Variants in CAMTA1 observed in about 807,000 individuals in gnomAD.
CAMTA1 encodes the protein calmodulin-binding transcription activator 1.
A neutral mutation model predicts 170.9 loss-of-function variants in CAMTA1; 27 were observed. The ratio of observed to expected loss-of-function variants is 0.16; its 90% CI spans 0.12 to 0.22. The LOEUF (loss-of-function observed/expected upper bound fraction) is 0.22. Among genes scored for constraint, CAMTA1 ranks in the 10% least tolerant of loss-of-function variants. The pLI is 1.00. For synonymous variants in CAMTA1, 833 were observed against 891.5 expected, an observed-to-expected ratio of 0.93 and a Z score of 1.17; for missense variants, 1,619 against 2,217.2, an observed-to-expected ratio of 0.73 and a Z score of 5.42.
chr1:7,066,514 G>C (rs189055673), intron 3 of CAMTA1, among the ~76,000 whole-genome samples: 95 of 152,292 alleles, frequency 6.2e-4, no homozygotes, highest in Non-Finnish European at 1.2e-3. Flanking sequence ...TTACATTTTC[G>C]ACACAGAGCA....
intron 5 of CAMTA1, among the ~76,000 whole-genome samples, chr1:7,330,436 C>T (rs2149738476): frequency 6.6e-6 from 1 of 152,268 alleles, no homozygotes; most frequent in East Asian, 1.9e-4. Context: ...GCATCCTCCT[C>T]CTTGGCTGGG....
chr1:6,986,777 C>T (rs889715981), intron 3 of CAMTA1, among the ~76,000 whole-genome samples: 8 of 152,018 alleles, frequency 5.3e-5, no homozygotes, highest in South Asian at 2.1e-4. Context: ...GTGCTGTGGA[C>T]GTGAGTTAAT....
At chr1:7,209,401 T>C (rs1005060409) in intron 4 of CAMTA1, among the ~76,000 whole-genome samples, 2 of 152,232 alleles carry the variant, frequency 1.3e-5, no homozygotes, top group Non-Finnish European at 2.9e-5. Context: ...ACTGTTGATC[T>C]ATTAACACTT....
chr1:7,151,181 C>T (rs529196981), intron 4 of CAMTA1, among the ~76,000 whole-genome samples: 6 of 152,364 alleles, frequency 3.9e-5, no homozygotes, highest in East Asian at 1.9e-4. Context: ...CCTTGGCCAG[C>T]GCTGGCGTTC....
intron 5 of CAMTA1, among the ~76,000 whole-genome samples, chr1:7,393,111 G>C (rs750109899): frequency 1.7e-4 from 25 of 149,892 alleles, no homozygotes; most frequent in Non-Finnish European, 2.7e-4. Flanking sequence ...TAGTATTGTT[G>C]TTTTTAAAGC....
At chr1:6,808,619 T>G (rs1437912234) in intron 1 of CAMTA1, among the ~76,000 whole-genome samples, 2 of 152,218 alleles carry the variant, frequency 1.3e-5, no homozygotes, top group Admixed American at 6.5e-5. Flanking sequence ...TCATGGCACA[T>G]TTTAGTTTGC....
chr1:7,652,281 T>C (rs2095853113), intron 7 of CAMTA1, among the ~76,000 whole-genome samples: 1 of 152,152 alleles, frequency 6.6e-6, no homozygotes, highest in African/African-American at 2.4e-5. Flanking sequence ...ATGTCCTCCT[T>C]GCAGCAGCCT....
At chr1:7,702,514 C>A (rs1263116845) in intron 11 of CAMTA1, among the ~76,000 whole-genome samples, 1 of 152,140 alleles carries the variant, frequency 6.6e-6, no homozygotes, top group Non-Finnish European at 1.5e-5. Context: ...CAGCCTCCAC[C>A]CCTGCTGGTC....
At chr1:7,390,419 C>T (rs845226) in intron 5 of CAMTA1, among the ~76,000 whole-genome samples, 94,166 of 152,060 alleles carry the variant, frequency 0.62, 30,762 homozygotes, top group Middle Eastern at 0.73. Flanking sequence ...GATGCCATTA[C>T]TTGTCTGACA....
intron 5 of CAMTA1, among the ~76,000 whole-genome samples, chr1:7,379,238 G>A (rs1247369616): frequency 6.6e-6 from 1 of 152,126 alleles, no homozygotes; most frequent in Non-Finnish European, 1.5e-5. Flanking sequence ...TTATACCCTA[G>A]AGCACATGTG....
At chr1:7,599,117 T>C (rs2095422014) in intron 6 of CAMTA1, among the ~76,000 whole-genome samples, 1 of 152,240 alleles carries the variant, frequency 6.6e-6, no homozygotes, top group Admixed American at 6.5e-5. Context: ...AATTTTTGTG[T>C]AAGGTGTAAG....
At chr1:7,026,741 G>A (rs1702078024) in intron 3 of CAMTA1, among the ~76,000 whole-genome samples, 1 of 145,894 alleles carries the variant, frequency 6.9e-6, no homozygotes, top group East Asian at 2.1e-4. Flanking sequence ...AGCGATTCTT[G>A]TGCCTCAGCC....
chr1:7,610,747 C>G (rs925193069), intron 6 of CAMTA1, among the ~76,000 whole-genome samples: 3 of 152,212 alleles, frequency 2.0e-5, no homozygotes, highest in African/African-American at 7.2e-5. Context: ...ATGGCTTTTT[C>G]TTTCTTCCCT....
In CAMTA1 at chr1:7,588,836, T is replaced by C. The variant is rs1340080291; in HGVS notation, c.511-51564T>C. 6.6e-6 allele frequency among the ~76,000 whole-genome samples: 1 copy of C among 152,128 alleles called. No homozygotes were observed. The highest frequency in any genetic ancestry group is 1.5e-5 in the Non-Finnish European group (1 of 68,006). On this transcript the variant is annotated intron_variant, in intron 6 of 22. Coordinates refer to ENST00000303635, the MANE Select transcript of CAMTA1 (RefSeq NM_015215.4). This position sits in a 1 kb window ranked among gnomAD's most constrained non-coding sequence, Gnocchi z 5.8. ...TGCTTAGAGTGCACTCTGTCTTCTGTAATGAAATGGGGATGCAGTCCCACC... is the reference window on the plus strand; with the variant it reads ...TGCTTAGAGTGCACTCTGTCTTCTGCAATGAAATGGGGATGCAGTCCCACC...
chr1:7,461,225 A>G (rs911744527), intron 5 of CAMTA1, among the ~76,000 whole-genome samples: 1 of 152,130 alleles, frequency 6.6e-6, no homozygotes, highest in Non-Finnish European at 1.5e-5. Context: ...AGGTAGAACA[A>G]CAGGTGCCAA....
chr1:7,308,834 G>A (rs1348449958), intron 5 of CAMTA1, among the ~76,000 whole-genome samples: 1 of 152,214 alleles, frequency 6.6e-6, no homozygotes, highest in Non-Finnish European at 1.5e-5. Flanking sequence ...ATCAGTTGGA[G>A]TTGGTTGATG....
At chr1:6,851,020 G>A (rs561067729) in intron 3 of CAMTA1, among the ~76,000 whole-genome samples, 8 of 152,276 alleles carry the variant, frequency 5.3e-5, no homozygotes, top group African/African-American at 1.9e-4. Flanking sequence ...CAGAACCTCA[G>A]ATGAGCTCTA....
intron 9 of CAMTA1, among the ~76,000 whole-genome samples, chr1:7,667,165 G>A (rs575794965): frequency 1.5e-4 from 23 of 152,062 alleles, no homozygotes; most frequent in African/African-American, 5.3e-4. Context: ...CTGGGATTTC[G>A]GGCATGAGCC....
chr1:6,817,222 T>C (rs551160519), intron 1 of CAMTA1, among the ~76,000 whole-genome samples: 1 of 152,338 alleles, frequency 6.6e-6, no homozygotes, highest in South Asian at 2.1e-4. Flanking sequence ...TTAAAAACTT[T>C]TCACCTAAGA....
Sources: gnomAD v4.1 joint callset for allele counts (sites outside exome capture counted in the v4.1 genomes callset) on GRCh38, gnomAD v4.1.1 for gene constraint, Gnocchi (gnomAD v3.1) non-coding constraint, MANE v1.5 for transcripts, NCBI Gene and HGNC (gene_info 2026-07-23, HGNC 2026-07-21) for gene names.